The following ZC4H2 variants were observed in gnomAD, a reference collection of about 807,000 sequenced individuals.
ZC4H2 encodes zinc finger C4H2 domain-containing protein.
For synonymous variants in ZC4H2, 84 were observed against 66.3 expected (o/e 1.27, Z -1.30); for missense variants, 137 against 173.9 (o/e 0.79, Z 1.19).
At chrX:64,950,806 G>GATT (rs963956881) in intron 1 of ZC4H2, among the ~76,000 whole-genome samples, 9 of 109,517 alleles carry the variant, frequency 8.2e-5, no homozygotes, top group South Asian at 4.0e-4. Flanking sequence ...TTTTATTTTT[G>GATT]ATTATTATTA....
At chrX:64,925,753 C>T (rs1015274563) in intron 1 of ZC4H2, among the ~76,000 whole-genome samples, 10 of 112,302 alleles carry the variant, frequency 8.9e-5, no homozygotes, top group African/African-American at 3.2e-4. Context: ...CAGTTAAGTG[C>T]TGACTTGACA....
chrX:64,952,432 C>A (rs1458121511), intron 1 of ZC4H2, among the ~76,000 whole-genome samples: 1 of 109,917 alleles, frequency 9.1e-6, no homozygotes, highest in Non-Finnish European at 1.9e-5. Flanking sequence ...TCATGTCAGC[C>A]CAAAATCTCC....
intron 1 of ZC4H2, among the ~76,000 whole-genome samples, chrX:64,949,028 G>T (rs1930669242): frequency 9.0e-6 from 1 of 111,542 alleles, no homozygotes; most frequent in African/African-American, 3.2e-5. Context: ...TTTTCTTAGA[G>T]CACTAATCTG....
intron 1 of ZC4H2, among the ~76,000 whole-genome samples, chrX:64,960,707 T>C (rs771815057): frequency 8.9e-6 from 1 of 112,255 alleles, no homozygotes; most frequent in Non-Finnish European, 1.9e-5. Flanking sequence ...ATTCACACTT[T>C]ACTATTACCA....
At chrX:64,984,490 G>C (rs1332280877) in intron 1 of ZC4H2, among the ~76,000 whole-genome samples, 1 of 111,508 alleles carries the variant, frequency 9.0e-6, no homozygotes, top group Non-Finnish European at 1.9e-5. Flanking sequence ...GTCAAAGCTT[G>C]TTTTCTTGCA....
At chrX:64,940,115 A>T (rs1254137202) in intron 1 of ZC4H2, among the ~76,000 whole-genome samples, 1 of 111,891 alleles carries the variant, frequency 8.9e-6, no homozygotes, top group Non-Finnish European at 1.9e-5. Context: ...CTGCCATGAG[A>T]TACTATCACA....
intron 1 of ZC4H2, among the ~76,000 whole-genome samples, chrX:64,953,845 G>T (rs991350453): frequency 9.0e-6 from 1 of 111,235 alleles, no homozygotes; most frequent in Non-Finnish European, 1.9e-5. Flanking sequence ...TATAAATCAC[G>T]CTGCTATAAA....
chrX:64,976,537 A>G, upstream of ZC4H2: 1 of 512,094 alleles, frequency 2.0e-6, no homozygotes, highest in Non-Finnish European at 3.3e-6. Flanking sequence ...CTTCAGGGCC[A>G]GCCAGGAAGC....
At chrX:64,956,825 T>C (rs1008268136) in intron 1 of ZC4H2, among the ~76,000 whole-genome samples, 1 of 112,172 alleles carries the variant, frequency 8.9e-6, no homozygotes, top group Admixed American at 9.4e-5. Context: ...CATAAGGAGG[T>C]ACCCTCTACT....
chrX:64,943,217 G>A (rs943814746), intron 1 of ZC4H2, among the ~76,000 whole-genome samples: 2 of 111,933 alleles, frequency 1.8e-5, no homozygotes, highest in African/African-American at 3.3e-5. Context: ...TATTATGTCT[G>A]TTCTGTTGTA....
chrX:64,938,262 A>G (rs1224613373), intron 1 of ZC4H2, among the ~76,000 whole-genome samples: 1 of 112,128 alleles, frequency 8.9e-6, no homozygotes, highest in Non-Finnish European at 1.9e-5. Flanking sequence ...GAATAGACTA[A>G]TAACAAGTTC....
Position 64,917,052 on chromosome X carries a change from G to A in ZC4H2, c.*731C>T, listed in dbSNP as rs753870720. 2.7e-5 allele frequency: 3 copies of A among 112,000 alleles called. No individual in the cohort carries two copies. The highest frequency in any genetic ancestry group is 5.6e-5 in the Non-Finnish European group (3 of 53,177). The allele number at this position is 112,000 out of a possible 1,213,427, so 9.2% of individuals were successfully genotyped here. ...CAGTAGGTTAGGCAGGAGATGTAGA[G>A]TTGGTCTGGCTCACTGATTTCACTG... On this transcript the variant is annotated 3_prime_UTR_variant, in exon 5 of 5. Transcript: ENST00000374839.
In ZC4H2 at chrX:64,921,860, G is replaced by A; in HGVS notation, c.182C>T (p.Ala61Val). The change falls in exon 2 of 5, where the codon GCC (alanine) becomes GTC (valine). Residue 61 changes from alanine to valine, a missense_variant. By Grantham distance (64) the Ala-to-Val change is moderately conservative. Coordinates refer to ENST00000374839, the MANE Select transcript of ZC4H2 (RefSeq NM_018684.4). Reference protein sequence around the residue: ...EMDLLLQEKMAHVEELRLIHA... With the variant: ...EMDLLLQEKMVHVEELRLIHA... ...GATCAGTCGGAGTTCCTCCACATGG[G>A]CCATCTTCTCCTGTAGCAGAAGGTC... The A allele has an allele frequency of 8.3e-7, 1 of 1,210,375 alleles. No homozygotes were observed. The highest frequency in any genetic ancestry group is 1.1e-6 in the Non-Finnish European group (1 of 895,175).
chrX:64,992,339 A>T (rs1344579441), intron 1 of ZC4H2, among the ~76,000 whole-genome samples: 2 of 111,173 alleles, frequency 1.8e-5, no homozygotes, highest in African/African-American at 6.5e-5. Flanking sequence ...ACATCCCTCA[A>T]TCTATGTCAG....
intron 1 of ZC4H2, among the ~76,000 whole-genome samples, chrX:64,981,993 A>G (rs1932091977): frequency 9.0e-6 from 1 of 111,478 alleles, no homozygotes; most frequent in African/African-American, 3.3e-5. Context: ...ACCCAATGTC[A>G]CTGACCTAGA....
chrX:65,026,502 G>A (rs1932880170), intron 1 of ZC4H2, among the ~76,000 whole-genome samples: 3 of 110,892 alleles, frequency 2.7e-5, no homozygotes, highest in South Asian at 3.9e-4. Flanking sequence ...CGAGGCAGGA[G>A]ATCGAGACCA....
intron 1 of ZC4H2, 162 bp from the exon 2 acceptor site, chrX:64,922,150 C>A: frequency 1.9e-6 from 2 of 1,070,161 alleles, no homozygotes; most frequent in Non-Finnish European, 2.4e-6. Flanking sequence ...ATGGCTCATG[C>A]CAGTAATCTC....
At chrX:64,962,207 T>A (rs1021812876) in intron 1 of ZC4H2, among the ~76,000 whole-genome samples, 15 of 111,574 alleles carry the variant, frequency 1.3e-4, no homozygotes, top group Admixed American at 1.3e-3. Flanking sequence ...AAAAGTATCA[T>A]ACAACACGGC....
At position 64,921,972 on chromosome X, in the gene ZC4H2, T is replaced by A. The variant is rs764995345; in HGVS notation, c.70A>T (p.Met24Leu). ...IKEIRNKTLQ[M>L]EKIKARLKAE... ...TTCAAACGAGCCTTGATCTTCTCCA[T>A]CTGCAGGGTCTTGTTCCTGCAATTT... Residue 24 changes from methionine (M) to leucine (L), a missense_variant, in exon 2 of 5, where the codon ATG becomes TTG. By Grantham distance (15) the Met-to-Leu change is conservative. Coordinates refer to ENST00000374839, the MANE Select transcript of ZC4H2 (RefSeq NM_018684.4). The A allele has an allele frequency of 8.3e-7, 1 of 1,210,337 alleles. No individual in the cohort carries two copies. Among genetic ancestry groups the A allele is most frequent in the Admixed American group, 2.2e-5 (1 of 45,768 alleles).
Sources: gnomAD v4.1 joint callset for allele counts (sites outside exome capture counted in the v4.1 genomes callset) on GRCh38, gnomAD v4.1.1 for gene constraint, MANE v1.5 for transcripts, NCBI Gene and HGNC (gene_info 2026-07-23, HGNC 2026-07-21) for gene names.